The following MED16 variants were observed in gnomAD, a reference collection of about 807,000 sequenced individuals.
MED16 encodes mediator of RNA polymerase II transcription subunit 16.
Under a neutral mutation model 84.4 loss-of-function variants are expected in MED16, and 81 were observed. The observed-to-expected ratio is 0.96, with a 90% CI of 0.80 to 1.15. MED16 has a LOEUF of 1.15. Ranked by LOEUF, MED16 falls within the 50% of genes most tolerant of loss-of-function variation. The pLI, the probability that MED16 is intolerant of heterozygous loss-of-function variation, is 0.00. For synonymous variants in MED16, 897 were observed against 552.2 expected, an observed-to-expected ratio of 1.62 and a Z score of -8.76; for missense variants, 1,585 against 1,245.9, an observed-to-expected ratio of 1.27 and a Z score of -4.10.
At chr19:871,548 C>T in intron 12 of MED16, 5 of 1,586,000 alleles carry the variant, frequency 3.2e-6, no homozygotes, top group Non-Finnish European at 4.3e-6. Flanking sequence ...GTAAGAATGA[C>T]ACAGCTCACC....
chr19:871,692 C>A (rs764032629), intron 12 of MED16: 2 of 1,423,168 alleles, frequency 1.4e-6, no homozygotes, highest in East Asian at 2.4e-5. Context: ...CAAGGCAGAG[C>A]CACTGCCACC....
intron 4 of MED16, among the ~76,000 whole-genome samples, 183 bp from the exon 5 acceptor site, chr19:886,384 A>G (rs1418569970): frequency 6.6e-6 from 1 of 152,148 alleles, no homozygotes. Context: ...CCGTCTCCTC[A>G]TCTGTAAGGT....
chr19:875,615 C>T (rs1354328903), intron 9 of MED16, among the ~76,000 whole-genome samples, 161 bp from the exon 10 acceptor site: 1 of 152,188 alleles, frequency 6.6e-6, no homozygotes, highest in Non-Finnish European at 1.5e-5. Context: ...AAAACAGGTG[C>T]GGAAGACCAG....
At chr19:887,904 T>C (rs2036557463) in intron 4 of MED16, among the ~76,000 whole-genome samples, 1 of 150,804 alleles carries the variant, frequency 6.6e-6, no homozygotes, top group Non-Finnish European at 1.5e-5. Flanking sequence ...CCTTTTCGGG[T>C]GATGAGAAGG....
At chr19:886,383 C>T (rs1380208883) in intron 4 of MED16, among the ~76,000 whole-genome samples, 182 bp from the exon 5 acceptor site, 1 of 152,196 alleles carries the variant, frequency 6.6e-6, no homozygotes, top group East Asian at 1.9e-4. Context: ...TCCGTCTCCT[C>T]ATCTGTAAGG....
chr19:871,363 GCT>G, intron 12 of MED16, 110 bp from the exon 13 acceptor site: 2 of 1,347,936 alleles, frequency 1.5e-6, no homozygotes, highest in Non-Finnish European at 2.0e-6. Context: ...CAGGGCCCCA[GCT>G]CTGTCTGCCT....
intron 14 of MED16, 73 bp from the exon 15 acceptor site, chr19:868,572 TCCAGGCAGGTCTC>T: frequency 6.4e-7 from 1 of 1,568,670 alleles, no homozygotes; most frequent in Non-Finnish European, 8.6e-7. Flanking sequence ...CACTTTTGCT[TCCAGGCAGGTCTC>T]CCTCTGCTCG....
At chr19:876,508 G>T (rs951875789) in intron 9 of MED16, among the ~76,000 whole-genome samples, 1 of 152,102 alleles carries the variant, frequency 6.6e-6, no homozygotes, top group African/African-American at 2.4e-5. Flanking sequence ...AGCCGTCCAG[G>T]GGGGATCAGG....
At chr19:870,494 G>C (rs532051711) in intron 13 of MED16, among the ~76,000 whole-genome samples, 3 of 151,014 alleles carry the variant, frequency 2.0e-5, no homozygotes, top group Non-Finnish European at 2.9e-5. Flanking sequence ...CCGAGAGGCA[G>C]ACGTTGCAGT....
chr19:887,063 G>A (rs557710345), intron 4 of MED16, among the ~76,000 whole-genome samples: 1 of 150,476 alleles, frequency 6.6e-6, no homozygotes, highest in Admixed American at 6.6e-5. Flanking sequence ...TGGGCAACGA[G>A]AGCAAAACTT....
intron 11 of MED16, among the ~76,000 whole-genome samples, chr19:872,753 C>G (rs981759312): frequency 1.3e-5 from 2 of 151,614 alleles, no homozygotes; most frequent in East Asian, 3.9e-4. Context: ...GCCGCCCACC[C>G]CAGGCGCAGG....
chr19:875,639 G>C (rs942296956), intron 9 of MED16, among the ~76,000 whole-genome samples, 185 bp from the exon 10 acceptor site: 1 of 152,226 alleles, frequency 6.6e-6, no homozygotes, highest in African/African-American at 2.4e-5. Context: ...CACAGGACCA[G>C]GTGCTGGGTT....
At chr19:873,322 AG>A in intron 11 of MED16, 126 bp downstream of exon 11, 3 of 674,410 alleles carry the variant, frequency 4.4e-6, no homozygotes, top group Non-Finnish European at 4.5e-6. Context: ...CGGGACTCCA[AG>A]TAGGGGCGGG....
intron 10 of MED16, among the ~76,000 whole-genome samples, chr19:874,697 G>T (rs1422866586): frequency 9.9e-5 from 15 of 152,196 alleles, no homozygotes; most frequent in African/African-American, 3.6e-4. Flanking sequence ...GGGCAACACA[G>T]TGAGACCCTG....
chr19:884,538 C>T (rs934758087), intron 6 of MED16, among the ~76,000 whole-genome samples: 16 of 152,110 alleles, frequency 1.1e-4, no homozygotes, highest in Non-Finnish European at 2.1e-4. Flanking sequence ...CTGGCCTGTC[C>T]CCTGCTGCCC....
Position 876,955 on chromosome 19 carries a change from A to T in MED16, c.1560+19T>A, listed in dbSNP as rs983521977. ...GGGCCCCCACCTGCCACGGGGCCCC[A>T]CCTGCCACGGGCCCCCACCTGCTGC... is the stretch of plus-strand genomic sequence containing the variant. On this transcript the variant is annotated intron_variant, in intron 9 of 15. Transcript: ENST00000325464. The T allele has an allele frequency of 1.9e-6, 3 of 1,597,758 alleles. No homozygotes were observed. The Middle Eastern group carries it at 6.0e-4, about 318-fold the overall frequency.
At chr19:884,083 A>C (rs1056236647) in intron 6 of MED16, among the ~76,000 whole-genome samples, 25 of 152,186 alleles carry the variant, frequency 1.6e-4, no homozygotes, top group African/African-American at 5.8e-4. Flanking sequence ...GCTTCTGAGG[A>C]GCGCCTGCCC....
At chr19:885,045 T>C (rs1274183727) in intron 5 of MED16, 37 bp from the exon 6 acceptor site, 1 of 1,509,154 alleles carries the variant, frequency 6.6e-7, no homozygotes, top group South Asian at 1.2e-5. Flanking sequence ...GACCCGGCAC[T>C]GCTGTGGTGG....
At chr19:881,317 C>G (rs185442319) in intron 7 of MED16, among the ~76,000 whole-genome samples, 6 of 152,222 alleles carry the variant, frequency 3.9e-5, no homozygotes, top group Admixed American at 1.3e-4. Flanking sequence ...TTTGCAATGA[C>G]TCTTTACATA....
Sources: allele counts gnomAD v4.1 joint callset (sites outside exome capture counted in the v4.1 genomes callset), GRCh38; gene constraint gnomAD v4.1.1; transcripts MANE v1.5; gene names NCBI Gene and HGNC (gene_info 2026-07-23, HGNC 2026-07-21).